Variants in PCM1 observed in about 807,000 individuals in gnomAD.
PCM1 encodes pericentriolar material 1.
Under a neutral mutation model 241.9 loss-of-function variants are expected in PCM1, and 157 were observed. The ratio of observed to expected loss-of-function variants is 0.65; its 90% confidence interval spans 0.57 to 0.74. The LOEUF (loss-of-function observed/expected upper bound fraction) is 0.74, where lower values mean the gene tolerates loss of function less well. Among genes scored for constraint, PCM1 ranks in the 30% least tolerant of loss-of-function variants. The pLI is 0.00. For synonymous variants in PCM1, 1,085 were observed against 784.9 expected (o/e 1.38, Z -6.39); for missense variants, 3,478 against 2,360.1 (o/e 1.47, Z -9.81).
Position 18,011,821 on chromosome 8 carries a change from T to C in PCM1, c.5505T>C (p.Asp1835=), listed in dbSNP as rs191353686. The change falls in exon 34 of 39, where the codon GAT becomes GAC. Residue 1835 remains aspartate (D), a synonymous_variant. Coordinates refer to ENST00000325083, the MANE Select transcript of PCM1 (RefSeq NM_006197.4). ...AAGCTACTGAAGAAAATGAACATGA[T>C]GAACAGGTATTCCCGTATTGACTGA... is the stretch of plus-strand genomic sequence containing the variant. ...NTEATEENEH[D]EQVLQRDFKK... 2.3e-4 allele frequency: 372 copies of C among 1,612,682 alleles called. 2 individuals are homozygous for C. In the Admixed American group the frequency reaches 4.9e-3, roughly 21 times the overall value.
intron 23 of PCM1, among the ~76,000 whole-genome samples, chr8:17,974,983 A>G: frequency 6.6e-6 from 1 of 152,126 alleles, no homozygotes; most frequent in East Asian, 1.9e-4. Context: ...CTTGCTATTC[A>G]AACTCTGAAC....
intron 1 of PCM1, among the ~76,000 whole-genome samples, chr8:17,923,896 A>C (rs2055709077): frequency 1.3e-5 from 2 of 152,086 alleles, no homozygotes; most frequent in African/African-American, 4.8e-5. Flanking sequence ...TGGTTTACAG[A>C]AACTGGCGTT....
chr8:18,000,999 C>A (rs1271000443), intron 29 of PCM1, among the ~76,000 whole-genome samples: 1 of 152,148 alleles, frequency 6.6e-6, no homozygotes, highest in Non-Finnish European at 1.5e-5. Context: ...TAATTCCAGG[C>A]ACAGCTGGAG....
chr8:17,956,157 C>T lies in PCM1; in HGVS notation c.1473-447C>T, dbSNP rs147328099. ...TAACTTAATTTTTATTTTTGGTAAA[C>T]GTAGTATGTAGTGTATAGATCTCAT... On this transcript the variant is annotated intron_variant, in intron 10 of 38. Transcript: ENST00000325083. Among the ~76,000 whole-genome samples, 705 of 152,230 alleles carry T rather than the reference C, an allele frequency of 4.6e-3. 4 individuals carry two copies. Among genetic ancestry groups the T allele is most frequent in the Middle Eastern group, 0.031 (9 of 294 alleles).
rs2083942519 is a variant in PCM1 at position 17,989,950 on chromosome 8, A to G, written c.4502A>G (p.Asn1501Ser). 2 of 1,537,478 alleles carry G rather than the reference A, an allele frequency of 1.3e-6. No individual in the cohort carries two copies. The highest frequency in any genetic ancestry group is 2.5e-5 in the East Asian group (1 of 40,586). ...GCTAGTGTCCTGTCTGTATCATCAA[A>G]TTTTGAGCCTTTTGCAACAGATGAT... ...DNASVLSVSS[N>S]FEPFATDDLG... Residue 1501 changes from asparagine (N) to serine (S), a missense_variant, in exon 27 of 39, where the codon AAT (asparagine) becomes AGT (serine). By Grantham distance (46) the Asn-to-Ser change is conservative. Transcript: ENST00000325083.
intron 28 of PCM1, among the ~76,000 whole-genome samples, chr8:17,992,643 G>C (rs887682602): frequency 3.7e-5 from 5 of 136,826 alleles, no homozygotes; most frequent in Non-Finnish European, 6.2e-5. Context: ...TTTGAGCACA[G>C]TCTTGCTCTG....
At chr8:18,008,384 C>T (rs879623791) in intron 30 of PCM1, among the ~76,000 whole-genome samples, 3 of 151,914 alleles carry the variant, frequency 2.0e-5, no homozygotes, top group Admixed American at 6.6e-5. Flanking sequence ...AAAATAAGCT[C>T]AGGGCTCCCA....
intron 6 of PCM1, among the ~76,000 whole-genome samples, chr8:17,940,919 A>G (rs1331661603): frequency 2.0e-5 from 3 of 152,150 alleles, no homozygotes; most frequent in Non-Finnish European, 4.4e-5. Context: ...TTTTGAGAGG[A>G]TAAGCATATA....
chr8:17,987,358 A>G (rs1039456302), intron 26 of PCM1, among the ~76,000 whole-genome samples: 4 of 151,804 alleles, frequency 2.6e-5, no homozygotes, highest in East Asian at 1.9e-4. Context: ...GTATTTTTCA[A>G]TAATTTTATA....
chr8:17,951,479 CTG>C (rs1430113289), intron 8 of PCM1, among the ~76,000 whole-genome samples: 1 of 152,178 alleles, frequency 6.6e-6, no homozygotes, highest in Non-Finnish European at 1.5e-5. Context: ...CATGGCAACT[CTG>C]TGTTAATAGC....
At chr8:17,975,772 T>C (rs939029908) in intron 23 of PCM1, among the ~76,000 whole-genome samples, 1 of 152,206 alleles carries the variant, frequency 6.6e-6, no homozygotes, top group African/African-American at 2.4e-5. Flanking sequence ...TTTCCCATGA[T>C]GGTAATGTGT....
intron 26 of PCM1, among the ~76,000 whole-genome samples, chr8:17,987,910 T>C (rs928000397): frequency 6.6e-6 from 1 of 151,862 alleles, no homozygotes; most frequent in African/African-American, 2.4e-5. Flanking sequence ...GTTTTTTGTA[T>C]TGGACAGATT....
At chr8:17,944,683 AT>A in intron 6 of PCM1, among the ~76,000 whole-genome samples, 1 of 152,008 alleles carries the variant, frequency 6.6e-6, no homozygotes, top group Non-Finnish European at 1.5e-5. Flanking sequence ...CTGGTATGTT[AT>A]TACTCCTACC....
intron 36 of PCM1, among the ~76,000 whole-genome samples, chr8:18,016,693 A>G (rs1045931779): frequency 6.6e-6 from 1 of 152,152 alleles, no homozygotes; most frequent in Admixed American, 6.5e-5. Context: ...GAGTGATTTC[A>G]CTCTGACCTG....
intron 36 of PCM1, among the ~76,000 whole-genome samples, chr8:18,015,335 C>T (rs1285763827): frequency 6.6e-6 from 1 of 151,350 alleles, no homozygotes; most frequent in African/African-American, 2.4e-5. Flanking sequence ...CTGAAAAATA[C>T]TTGAGCAGAG....
At chr8:18,025,520 G>A (rs763446743) in intron 37 of PCM1, 24 bp from the exon 38 acceptor site, 5 of 1,536,984 alleles carry the variant, frequency 3.3e-6, no homozygotes, top group Admixed American at 3.6e-5. Context: ...AAAATGATTT[G>A]TATTTTTAAT....
chr8:18,018,883 C>CGT (rs2093506882), intron 36 of PCM1, among the ~76,000 whole-genome samples: 1 of 51,676 alleles, frequency 1.9e-5, no homozygotes, highest in Non-Finnish European at 5.1e-5. Context: ...TATATATACA[C>CGT]ACACATATAC....
rs918151957 is a variant in PCM1 at position 18,027,954 on chromosome 8, GT to G, written c.*295del. On this transcript the variant is annotated 3_prime_UTR_variant, in exon 39 of 39. Coordinates refer to ENST00000325083, the MANE Select transcript of PCM1 (RefSeq NM_006197.4). Reference sequence around the variant, plus strand: ...AATTTAAAATGTAGTTTTAAATAAAGTTTGGACTTATCTATAAAGTATCTTT... The same window carrying G: ...AATTTAAAATGTAGTTTTAAATAAAGTTGGACTTATCTATAAAGTATCTTT... 3.1e-6 allele frequency: 1 copy of G among 323,982 alleles called. No homozygotes were observed. The highest frequency in any genetic ancestry group is 2.1e-5 in the African/African-American group (1 of 47,000). 20.1% of individuals were successfully genotyped at this position (323,982 alleles called of 1,614,324 possible).
intron 29 of PCM1, among the ~76,000 whole-genome samples, chr8:18,004,718 C>G (rs1178865975): frequency 6.6e-6 from 1 of 152,176 alleles, no homozygotes; most frequent in Non-Finnish European, 1.5e-5. Context: ...TCTTGACTCT[C>G]TTTATGTCAT....
Sources: allele counts gnomAD v4.1 joint callset (sites outside exome capture counted in the v4.1 genomes callset), GRCh38; gene constraint gnomAD v4.1.1; transcripts MANE v1.5; gene names NCBI Gene and HGNC (gene_info 2026-07-23, HGNC 2026-07-21).